Variants in LEF1 observed in about 807,000 individuals in gnomAD.
LEF1 encodes the protein lymphoid enhancer binding factor 1.
LEF1 carries 14 observed loss-of-function variants against 51.2 expected under a neutral mutation model. The observed-to-expected ratio is 0.27, with a 90% CI of 0.18 to 0.43. LEF1 has a LOEUF of 0.43. Ranked by LOEUF, LEF1 falls within the 20% of genes least tolerant of loss-of-function variation. LEF1 has a pLI of 1.00. For synonymous variants in LEF1, 185 were observed against 183.2 expected, an observed-to-expected ratio of 1.01 and a Z score of -0.08; for missense variants, 386 against 512.0, an observed-to-expected ratio of 0.75 and a Z score of 2.37.
chr4:108,084,624 A>G (rs1452044069), intron 4 of LEF1, among the ~76,000 whole-genome samples: 1 of 152,226 alleles, frequency 6.6e-6, no homozygotes. Context: ...TTCTTACAGA[A>G]AGTAGGTGGG....
At chr4:108,078,412 G>A (rs754799578) in intron 7 of LEF1, 30 bp from the exon 8 acceptor site, 3 of 1,613,970 alleles carry the variant, frequency 1.9e-6, no homozygotes, top group Non-Finnish European at 2.5e-6. Context: ...GTGGTTAGGG[G>A]AAGGGGTTGA....
chr4:108,099,849 G>A (rs1740693859), intron 3 of LEF1, among the ~76,000 whole-genome samples: 1 of 151,754 alleles, frequency 6.6e-6, no homozygotes, highest in African/African-American at 2.4e-5. Flanking sequence ...AGGGTAGAAT[G>A]ATCCTTATGA....
chr4:108,107,392 G>A (rs1741237863), intron 3 of LEF1, among the ~76,000 whole-genome samples: 1 of 151,874 alleles, frequency 6.6e-6, no homozygotes, highest in Non-Finnish European at 1.5e-5. Context: ...GCACTGAAAT[G>A]TAAACCACAA....
intron 9 of LEF1, among the ~76,000 whole-genome samples, chr4:108,065,628 C>T (rs1738028388): frequency 6.6e-6 from 1 of 152,138 alleles, no homozygotes; most frequent in Non-Finnish European, 1.5e-5. Context: ...GCCTCAATGG[C>T]CAAGTGACAT....
At chr4:108,119,595 G>A (rs1293718754) in intron 3 of LEF1, among the ~76,000 whole-genome samples, 2 of 152,178 alleles carry the variant, frequency 1.3e-5, no homozygotes, top group Non-Finnish European at 2.9e-5. Flanking sequence ...AGGTGTGAAG[G>A]TCTTTGCCAG....
Position 108,137,004 on chromosome 4 carries a change from C to T in LEF1, c.414+26564G>A, listed in dbSNP as rs966595915. Reference sequence around the variant, plus strand: ...TTCTTCTGGCTTATTAAAAAGTCAACTTTTTCTTTATTGTAAGTACTTTAA... The same window carrying T: ...TTCTTCTGGCTTATTAAAAAGTCAATTTTTTCTTTATTGTAAGTACTTTAA... On this transcript the variant is annotated intron_variant, in intron 3 of 11. Coordinates refer to ENST00000265165, the MANE Select transcript of LEF1 (RefSeq NM_016269.5). Among the ~76,000 whole-genome samples the T allele has an allele frequency of 4.6e-5, 7 of 152,078 alleles. No individual in the cohort carries two copies. In the East Asian group the frequency reaches 1.3e-3, roughly 29 times the overall value.
intron 3 of LEF1, among the ~76,000 whole-genome samples, chr4:108,099,494 ATGTATGTATATATATATG>A (rs1216064390): frequency 6.9e-6 from 1 of 145,486 alleles, no homozygotes; most frequent in African/African-American, 2.5e-5. Context: ...GTCTATACAC[ATGTATGTATATATATATG>A]TGTATGTATA....
At chr4:108,064,824 T>C (rs565322069) in intron 9 of LEF1, among the ~76,000 whole-genome samples, 13 of 152,262 alleles carry the variant, frequency 8.5e-5, no homozygotes, top group African/African-American at 2.6e-4. Flanking sequence ...TAATGAGCCA[T>C]TCCTTTTCTT....
At chr4:108,070,618 G>A (rs546585749) in intron 9 of LEF1, 45 bp downstream of exon 9, 13 of 1,258,794 alleles carry the variant, frequency 1.0e-5, no homozygotes, top group South Asian at 6.1e-5. Flanking sequence ...GCAAAAGAGC[G>A]AATGAGTGAG....
intron 11 of LEF1, among the ~76,000 whole-genome samples, chr4:108,056,825 G>A (rs951378097): frequency 4.7e-5 from 7 of 150,064 alleles, no homozygotes; most frequent in East Asian, 2.0e-4. Flanking sequence ...TAAACAGCAC[G>A]CCAGCAGTCG....
intron 3 of LEF1, chr4:108,104,704 C>T (rs1237666606): frequency 4.2e-5 from 41 of 984,254 alleles, no homozygotes; most frequent in South Asian, 2.8e-4. Context: ...TCCCACTCCC[C>T]GCCCTCAATT....
At chr4:108,131,231 T>C (rs911147537) in intron 3 of LEF1, among the ~76,000 whole-genome samples, 13 of 152,016 alleles carry the variant, frequency 8.6e-5, no homozygotes, top group African/African-American at 2.7e-4. Flanking sequence ...GGCCAGGAGT[T>C]TGAGACCAGC....
At chr4:108,133,380 T>C (rs1400347724) in intron 3 of LEF1, among the ~76,000 whole-genome samples, 2 of 152,174 alleles carry the variant, frequency 1.3e-5, no homozygotes, top group African/African-American at 4.8e-5. Flanking sequence ...ATACAAGTAA[T>C]ACATGTTAAG....
At chr4:108,051,501 G>C (rs1435425378) in intron 11 of LEF1, among the ~76,000 whole-genome samples, 1 of 152,216 alleles carries the variant, frequency 6.6e-6, no homozygotes, top group Non-Finnish European at 1.5e-5. Context: ...TTCACTGGGG[G>C]GCTGCGGCTG....
chr4:108,144,119 G>A (rs1025789719), intron 3 of LEF1, among the ~76,000 whole-genome samples: 49 of 152,064 alleles, frequency 3.2e-4, no homozygotes, highest in Admixed American at 3.3e-4. Flanking sequence ...CAAAGTCTGG[G>A]ACCCCTCTAG....
intron 6 of LEF1, among the ~76,000 whole-genome samples, chr4:108,080,760 T>C (rs1739230379): frequency 6.6e-6 from 1 of 152,212 alleles, no homozygotes; most frequent in South Asian, 2.1e-4. Flanking sequence ...TTTAAAGCTG[T>C]AATTCACCAC....
intron 3 of LEF1, among the ~76,000 whole-genome samples, chr4:108,150,301 C>G (rs576792106): frequency 6.6e-6 from 1 of 152,228 alleles, no homozygotes; most frequent in East Asian, 1.9e-4. Flanking sequence ...AATAATGAAA[C>G]CTTTGGTCAT....
intron 3 of LEF1, among the ~76,000 whole-genome samples, chr4:108,106,630 G>A (rs984333562): frequency 3.9e-5 from 6 of 152,134 alleles, no homozygotes; most frequent in South Asian, 2.1e-4. Flanking sequence ...TGAGGTCATC[G>A]GGCTGCAAAG....
At chr4:108,059,073 A>T (rs1737500460) in intron 11 of LEF1, among the ~76,000 whole-genome samples, 2 of 152,160 alleles carry the variant, frequency 1.3e-5, no homozygotes, top group Non-Finnish European at 2.9e-5. Flanking sequence ...ATTTCCAATT[A>T]TCCTAAAAGT....
Sources: allele counts gnomAD v4.1 joint callset (sites outside exome capture counted in the v4.1 genomes callset), GRCh38; gene constraint gnomAD v4.1.1; transcripts MANE v1.5; gene names NCBI Gene and HGNC (gene_info 2026-07-23, HGNC 2026-07-21).